The following CHID1 variants were observed in gnomAD, a reference collection of about 807,000 sequenced individuals.
CHID1 encodes the protein chitinase domain-containing protein 1.
In CHID1, 44 loss-of-function variants were observed where a neutral mutation model predicts 55.4. The observed-to-expected ratio is 0.79, with a 90% CI of 0.62 to 1.02. The LOEUF (loss-of-function observed/expected upper bound fraction) is 1.02. Among genes scored for constraint, CHID1 ranks in the 50% least tolerant of loss-of-function variants. CHID1 has a pLI of 0.00. For synonymous variants in CHID1, 216 were observed against 212.9 expected (o/e 1.01, Z -0.13); for missense variants, 491 against 515.3 (o/e 0.95, Z 0.46).
upstream of CHID1, chr11:914,899 C>T (rs528398758): frequency 4.2e-4 from 128 of 302,484 alleles, no homozygotes; most frequent in Non-Finnish European, 7.2e-4. Flanking sequence ...CCAACAGTGG[C>T]AGCCTCGTGA....
chr11:879,976 G>A (rs774212662), intron 10 of CHID1, among the ~76,000 whole-genome samples: 1 of 152,254 alleles, frequency 6.6e-6, no homozygotes. Flanking sequence ...TCAAAGGAGG[G>A]CCATGGTGGG....
intron 10 of CHID1, among the ~76,000 whole-genome samples, chr11:870,986 C>T (rs1849139959): frequency 9.2e-6 from 1 of 108,138 alleles, no homozygotes; most frequent in Non-Finnish European, 1.8e-5. Flanking sequence ...GTGGTTTCTG[C>T]ACCTTTTTTT....
chr11:880,202 CAGTG>C lies in CHID1; in HGVS notation c.959+2942_959+2945del, dbSNP rs1420817777. ...CGCCTGTGCGGAGCCCCGCGTGTCT[CAGTG>C]TGTGGCTGAGTTCTCTATGACTCAC... is the stretch of plus-strand genomic sequence containing the variant. On this transcript the variant is annotated intron_variant, in intron 10 of 12. Coordinates refer to ENST00000323578, the MANE Select transcript of CHID1 (RefSeq NM_023947.4). 2.6e-5 allele frequency among the ~76,000 whole-genome samples: 4 copies of C among 152,222 alleles called. 1 individual carries two copies. The highest frequency in any genetic ancestry group is 1.5e-5 in the Non-Finnish European group (1 of 68,038).
At chr11:908,696 G>T (rs1589913804) in intron 1 of CHID1, 1 of 798,868 alleles carries the variant, frequency 1.3e-6, no homozygotes, top group Admixed American at 6.2e-5. Context: ...TGGTTCTCCA[G>T]GGGACTGGCC....
chr11:886,401 G>A (rs1338106261), intron 8 of CHID1, among the ~76,000 whole-genome samples: 3 of 152,078 alleles, frequency 2.0e-5, no homozygotes, highest in Non-Finnish European at 2.9e-5. Flanking sequence ...GGAGGCTGCC[G>A]TGAGCCCTGA....
intron 10 of CHID1, among the ~76,000 whole-genome samples, chr11:873,881 G>C (rs1849331844): frequency 1.3e-5 from 2 of 152,054 alleles, no homozygotes; most frequent in South Asian, 4.2e-4. Flanking sequence ...AAATGGAAAG[G>C]GCCAAGGAAA....
chr11:899,445 AG>A (rs1465845796), intron 6 of CHID1, 44 bp from the exon 7 acceptor site: 40 of 1,548,586 alleles, frequency 2.6e-5, no homozygotes, highest in Non-Finnish European at 3.5e-5. Flanking sequence ...GAGGCCCAGG[AG>A]GGATGGGTGG....
intron 1 of CHID1, 95 bp downstream of exon 1, chr11:910,680 G>A (rs186254020): frequency 3.2e-6 from 4 of 1,266,808 alleles, no homozygotes; most frequent in Non-Finnish European, 4.1e-6. Context: ...CGTCCTCCCG[G>A]GGCCGAGCCT....
Position 870,468 on chromosome 11 carries a change from G to A in CHID1, c.991C>T (p.Arg331Trp), listed in dbSNP as rs142743201. 123 of 1,611,452 alleles carry A rather than the reference G, an allele frequency of 7.6e-5. No homozygotes were observed. In the African/African-American group the frequency reaches 1.3e-3, roughly 16 times the overall value. Residue 331 changes from arginine to tryptophan, a missense_variant, in exon 11 of 13, where the codon CGG becomes TGG. Coordinates refer to ENST00000323578, the MANE Select transcript of CHID1 (RefSeq NM_023947.4). ...YIQTLKDHRP[R>W]MVWDSQASEH... ...GAGGCCTGGCTGTCCCACACCATCC[G>A]GGGCCTGTGGTCCTTCAGTGTCTGG...
At chr11:884,687 C>T (rs534911215) in intron 8 of CHID1, among the ~76,000 whole-genome samples, 38 of 152,322 alleles carry the variant, frequency 2.5e-4, no homozygotes, top group Non-Finnish European at 5.1e-4. Flanking sequence ...AGCAGGTAGA[C>T]GGGAAGGACA....
intron 8 of CHID1, among the ~76,000 whole-genome samples, chr11:892,069 T>C (rs907713994): frequency 2.6e-5 from 4 of 151,570 alleles, no homozygotes; most frequent in Non-Finnish European, 5.9e-5. Flanking sequence ...GAGATAAGAT[T>C]GCACCACTGC....
chr11:895,930 G>C (rs1342797071), intron 7 of CHID1, among the ~76,000 whole-genome samples: 2 of 152,020 alleles, frequency 1.3e-5, no homozygotes, highest in African/African-American at 4.8e-5. Context: ...CTTCCTGCAG[G>C]AGCCTGGACA....
intron 7 of CHID1, among the ~76,000 whole-genome samples, chr11:894,568 G>A (rs929335667): frequency 2.0e-5 from 3 of 152,324 alleles, no homozygotes; most frequent in African/African-American, 4.8e-5. Flanking sequence ...GTTACCGCAC[G>A]TAGGAGACTG....
intron 7 of CHID1, among the ~76,000 whole-genome samples, chr11:896,336 C>A (rs1258825341): frequency 3.0e-5 from 4 of 133,932 alleles, no homozygotes; most frequent in Non-Finnish European, 6.2e-5. Flanking sequence ...CCACCCCAGA[C>A]ATGAGGGTGT....
rs968917763 is a variant in CHID1, at chr11:875,749, C to T, written c.960-5250G>A. Among the ~76,000 whole-genome samples, 7 of 152,264 alleles carry T rather than the reference C, an allele frequency of 4.6e-5. No homozygotes were observed. The highest frequency in any genetic ancestry group is 1.2e-4 in the African/African-American group (5 of 41,548). ...AGACAGAGGAGGAAAACGCCTAGGT[C>T]CACCGAGTCGTGGCAGCAAAAGACG... On this transcript the variant is annotated intron_variant, in intron 10 of 12. Coordinates refer to ENST00000323578, the MANE Select transcript of CHID1 (RefSeq NM_023947.4). The surrounding 1 kb of genome is among the most constrained non-coding windows in gnomAD (Gnocchi z 4.7).
intron 8 of CHID1, among the ~76,000 whole-genome samples, chr11:886,509 T>A (rs1383161425): frequency 6.6e-6 from 1 of 152,190 alleles, no homozygotes; most frequent in African/African-American, 2.4e-5. Context: ...ATGGTTATGT[T>A]GAAGCCCTAA....
intron 2 of CHID1, chr11:903,876 C>T (rs983093326): frequency 9.9e-6 from 2 of 201,234 alleles, no homozygotes; most frequent in South Asian, 5.5e-5. Context: ...TGCTGGCCAA[C>T]CACTGCCTGC....
intron 7 of CHID1, among the ~76,000 whole-genome samples, chr11:896,097 GACACA>G (rs1195702777): frequency 0.012 from 1,861 of 150,356 alleles, 68 homozygotes; most frequent in African/African-American, 0.044. Context: ...CTCCACCCCA[GACACA>G]ACGAGCCTGT....
At chr11:886,698 A>C (rs1400366704) in intron 8 of CHID1, among the ~76,000 whole-genome samples, 2 of 152,216 alleles carry the variant, frequency 1.3e-5, no homozygotes, top group African/African-American at 4.8e-5. Flanking sequence ...GCCTTGCCGG[A>C]AGGTGGGCTT....
Sources: gnomAD v4.1 joint callset for allele counts (sites outside exome capture counted in the v4.1 genomes callset) on GRCh38, gnomAD v4.1.1 for gene constraint, Gnocchi (gnomAD v3.1) non-coding constraint, MANE v1.5 for transcripts, NCBI Gene and HGNC (gene_info 2026-07-23, HGNC 2026-07-21) for gene names.